Variants in POU3F3 observed in about 807,000 individuals in gnomAD.
The protein encoded by POU3F3 is POU class 3 homeobox 3, also known as POU domain, class 3, transcription factor 3.
POU3F3 carries 1 observed loss-of-function variant against 8.6 expected under a neutral mutation model. That is an observed-to-expected ratio of 0.12 (90% CI 0.04 to 0.55). POU3F3 has a LOEUF of 0.55. Among genes scored for constraint, POU3F3 ranks in the 20% least tolerant of loss-of-function variants. The pLI, the probability that POU3F3 is intolerant of heterozygous loss-of-function variation, is 0.91. For synonymous variants in POU3F3, 418 were observed against 327.4 expected (o/e 1.28, Z -2.99); for missense variants, 577 against 690.7 (o/e 0.84, Z 1.84).
At chr2:104,895,062 A>AGT in the POU3F3 span, among the ~76,000 whole-genome samples, 120 of 149,366 alleles carry the variant, frequency 8.0e-4, 1 homozygote, top group African/African-American at 1.6e-3. Context: ...TGCACAGGTG[A>AGT]GTGTGTGTGT....
At chr2:104,921,547 G>A in the POU3F3 span, among the ~76,000 whole-genome samples, 5 of 152,302 alleles carry the variant, frequency 3.3e-5, no homozygotes, top group African/African-American at 1.2e-4. Context: ...GGAGCAGCTT[G>A]CCAGCAGCAT....
the POU3F3 span, chr2:104,868,115 A>G: frequency 2.7e-6 from 1 of 369,886 alleles, no homozygotes; most frequent in Non-Finnish European, 5.3e-6. Context: ...AAAAAGTAAG[A>G]AAAAAATCAC....
At chr2:104,880,330 C>T in the POU3F3 span, among the ~76,000 whole-genome samples, 12 of 152,132 alleles carry the variant, frequency 7.9e-5, no homozygotes, top group Non-Finnish European at 1.2e-4. Flanking sequence ...AGGAGAAAAC[C>T]CTCCCTTGGC....
the POU3F3 span, among the ~76,000 whole-genome samples, chr2:104,863,738 C>G: frequency 6.6e-6 from 1 of 152,210 alleles, no homozygotes; most frequent in Non-Finnish European, 1.5e-5. Flanking sequence ...TGTTTGTCTT[C>G]CCGAAGGATG....
At chr2:104,868,598 C>T in the POU3F3 span, among the ~76,000 whole-genome samples, 1 of 152,196 alleles carries the variant, frequency 6.6e-6, no homozygotes, top group Non-Finnish European at 1.5e-5. Flanking sequence ...GACCTCCAGA[C>T]ACCTTCTCTA....
At chr2:104,903,164 A>G in the POU3F3 span, among the ~76,000 whole-genome samples, 1 of 152,192 alleles carries the variant, frequency 6.6e-6, no homozygotes, top group Non-Finnish European at 1.5e-5. Context: ...AACTACCTCA[A>G]CATTTCTATT....
chr2:104,898,329 T>A, the POU3F3 span, among the ~76,000 whole-genome samples: 1 of 152,216 alleles, frequency 6.6e-6, no homozygotes, highest in African/African-American at 2.4e-5. Flanking sequence ...TGCTTTGTCA[T>A]AGCGGCCTGA....
chr2:104,895,058 GGTGAGTGT>G, the POU3F3 span, among the ~76,000 whole-genome samples: 2 of 76,182 alleles, frequency 2.6e-5, no homozygotes, highest in Non-Finnish European at 4.9e-5. Flanking sequence ...TGTGTGCACA[GGTGAGTGT>G]GTGTGTGTGT....
At chr2:104,909,947 G>A in the POU3F3 span, among the ~76,000 whole-genome samples, 7 of 151,926 alleles carry the variant, frequency 4.6e-5, no homozygotes, top group Non-Finnish European at 7.4e-5. Flanking sequence ...AAAAATGTGG[G>A]CCCAACTCAC....
At chr2:104,893,572 A>C in the POU3F3 span, among the ~76,000 whole-genome samples, 1 of 152,214 alleles carries the variant, frequency 6.6e-6, no homozygotes, top group African/African-American at 2.4e-5. Flanking sequence ...CATTGACTTC[A>C]CTGAGTTGGA....
chr2:104,927,742 G>A, the POU3F3 span, among the ~76,000 whole-genome samples: 3 of 82,754 alleles, frequency 3.6e-5, no homozygotes, highest in South Asian at 5.6e-4. Flanking sequence ...GTGAGACCTT[G>A]TCTCAAAAAA....
the POU3F3 span, among the ~76,000 whole-genome samples, chr2:104,907,383 G>A: frequency 1.3e-5 from 2 of 152,102 alleles, no homozygotes; most frequent in African/African-American, 4.8e-5. Flanking sequence ...ACTTGCCACT[G>A]CCTAAAAAGC....
rs969089352 is a variant in POU3F3 at position 104,858,160 on chromosome 2, C to G, written c.*1147C>G. The G allele has an allele frequency of 2.0e-5, 3 of 152,200 alleles. No individual in the cohort carries two copies. Among genetic ancestry groups the G allele is most frequent in the African/African-American group, 7.2e-5 (3 of 41,454 alleles). 9.4% of individuals were successfully genotyped at this position (152,200 alleles called of 1,614,324 possible). The stretch of plus-strand genomic sequence containing the variant: ...AGCCGCTGCACTTCTCTGGACTTCT[C>G]TCCTCAATCCGTTGCCAACTTTGAT... On this transcript the variant is annotated 3_prime_UTR_variant, in exon 1 of 1. Transcript: ENST00000361360.
At chr2:104,901,995 C>T in the POU3F3 span, among the ~76,000 whole-genome samples, 33 of 152,322 alleles carry the variant, frequency 2.2e-4, no homozygotes, top group South Asian at 1.7e-3. Flanking sequence ...TAGACACCTG[C>T]TTACAGACTG....
chr2:104,919,562 C>T, the POU3F3 span, among the ~76,000 whole-genome samples: 1 of 152,224 alleles, frequency 6.6e-6, no homozygotes, highest in African/African-American at 2.4e-5. Context: ...CAAGTAACTT[C>T]AGCCAATTAA....
chr2:104,897,654 T>A, the POU3F3 span, among the ~76,000 whole-genome samples: 2 of 152,196 alleles, frequency 1.3e-5, no homozygotes, highest in Non-Finnish European at 2.9e-5. Context: ...AAAGGAATCA[T>A]CAGTGCTGGA....
chr2:104,913,378 A>G, the POU3F3 span, among the ~76,000 whole-genome samples: 3 of 152,102 alleles, frequency 2.0e-5, no homozygotes, highest in Non-Finnish European at 4.4e-5. Context: ...GACCATGGAC[A>G]TGGTTTTCTC....
chr2:104,861,520 C>T (rs183407167), downstream of POU3F3, among the ~76,000 whole-genome samples: 592 of 152,144 alleles, frequency 3.9e-3, 1 homozygote, highest in Non-Finnish European at 7.2e-3. Flanking sequence ...CAGACATCTA[C>T]GTTGGGAAAG....
At chr2:104,898,036 C>T in the POU3F3 span, among the ~76,000 whole-genome samples, 1 of 152,130 alleles carries the variant, frequency 6.6e-6, no homozygotes, top group Non-Finnish European at 1.5e-5. Context: ...ATCAAATCCC[C>T]AAGGTAATGA....
Sources: allele counts gnomAD v4.1 joint callset (sites outside exome capture counted in the v4.1 genomes callset), GRCh38; gene constraint gnomAD v4.1.1; transcripts MANE v1.5; gene names NCBI Gene and HGNC (gene_info 2026-07-23, HGNC 2026-07-21).